The following ADAMTSL1 variants were observed in gnomAD, a reference collection of about 807,000 sequenced individuals.
ADAMTSL1 encodes ADAMTS-like protein 1.
Under a neutral mutation model 201.8 loss-of-function variants are expected in ADAMTSL1, and 126 were observed. The ratio of observed to expected loss-of-function variants is 0.62; its 90% CI spans 0.54 to 0.72. ADAMTSL1 has a LOEUF of 0.72. Ranked by LOEUF, ADAMTSL1 falls within the 30% of genes least tolerant of loss-of-function variation. ADAMTSL1 has a pLI of 0.00. For synonymous variants in ADAMTSL1, 1,121 were observed against 903.4 expected, an observed-to-expected ratio of 1.24 and a Z score of -4.32; for missense variants, 2,679 against 2,277.8, an observed-to-expected ratio of 1.18 and a Z score of -3.59.
intron 1 of ADAMTSL1, among the ~76,000 whole-genome samples, chr9:17,974,040 C>T (rs371471774): frequency 1.3e-5 from 2 of 151,976 alleles, no homozygotes; most frequent in Admixed American, 6.6e-5. Context: ...CGACAAAATT[C>T]AACAACCCTT....
chr9:18,488,869 T>G (rs1320416160), intron 1 of ADAMTSL1, among the ~76,000 whole-genome samples: 1 of 152,216 alleles, frequency 6.6e-6, no homozygotes, highest in African/African-American at 2.4e-5. Context: ...AAACTAAGAT[T>G]GCTTTTGAAT....
At chr9:18,047,362 G>T (rs979456397) in intron 1 of ADAMTSL1, among the ~76,000 whole-genome samples, 1 of 152,132 alleles carries the variant, frequency 6.6e-6, no homozygotes, top group African/African-American at 2.4e-5. Context: ...GTGGGGAGAT[G>T]TTGTTGGCAT....
chr9:18,464,782 T>G (rs1184241215), intron 2 of ADAMTSL1, among the ~76,000 whole-genome samples: 6 of 152,124 alleles, frequency 3.9e-5, no homozygotes, highest in African/African-American at 1.4e-4. Flanking sequence ...AGCGTAAAAT[T>G]GCAGTGCAAA....
chr9:18,217,030 G>A (rs1830080310), intron 2 of ADAMTSL1, among the ~76,000 whole-genome samples: 1 of 152,068 alleles, frequency 6.6e-6, no homozygotes, highest in Non-Finnish European at 1.5e-5. Context: ...GAGGGGTCAA[G>A]TAGAGAATAA....
chr9:18,504,498 G>A (rs1294506101), intron 1 of ADAMTSL1, among the ~76,000 whole-genome samples: 2 of 152,182 alleles, frequency 1.3e-5, no homozygotes, highest in Non-Finnish European at 2.9e-5. Context: ...GAGATGAAGA[G>A]TACACTCATG....
At chr9:18,695,755 T>G (rs1831512296) in intron 13 of ADAMTSL1, among the ~76,000 whole-genome samples, 1 of 152,228 alleles carries the variant, frequency 6.6e-6, no homozygotes, top group South Asian at 2.1e-4. Flanking sequence ...GTTACCCAGT[T>G]CCAAAGTCAT....
intron 2 of ADAMTSL1, among the ~76,000 whole-genome samples, chr9:18,326,802 G>A (rs2132883157): frequency 6.6e-6 from 1 of 152,276 alleles, no homozygotes; most frequent in Middle Eastern, 3.4e-3. Flanking sequence ...TTCTCAGAAT[G>A]CATTTTTCCT....
chr9:18,060,470 G>A (rs983374829), intron 1 of ADAMTSL1, among the ~76,000 whole-genome samples: 3 of 152,152 alleles, frequency 2.0e-5, no homozygotes, highest in Admixed American at 6.6e-5. Context: ...GAGTCTGTAT[G>A]ATTATCCTTC....
intron 2 of ADAMTSL1, among the ~76,000 whole-genome samples, chr9:18,360,194 G>T (rs1836455695): frequency 4.6e-5 from 7 of 152,092 alleles, no homozygotes; most frequent in Admixed American, 4.6e-4. Context: ...CCAAGCAGCT[G>T]CCTCTGTCTC....
chr9:18,207,709 T>C (rs1378239707), intron 2 of ADAMTSL1, among the ~76,000 whole-genome samples: 4 of 152,192 alleles, frequency 2.6e-5, no homozygotes, highest in Non-Finnish European at 5.9e-5. Flanking sequence ...CATCTCTACT[T>C]TCTATTTTCT....
rs1253259037 is a variant in ADAMTSL1 at position 18,104,406 on chromosome 9, G to A, written c.88-59456G>A. Among the ~76,000 whole-genome samples, 7 of 152,134 alleles carry A rather than the reference G, an allele frequency of 4.6e-5. 1 individual carries two copies. The highest frequency in any genetic ancestry group is 1.3e-4 in the Admixed American group (2 of 15,276). Reference sequence around the variant, plus strand: ...CTTGGACTTGATTATACAGTGCTTAGTACTAAAGGGACTGGAGCCTCCATA... The same window carrying A: ...CTTGGACTTGATTATACAGTGCTTAATACTAAAGGGACTGGAGCCTCCATA... On this transcript the variant is annotated intron_variant, in intron 1 of 29. Coordinates refer to the ADAMTSL1 transcript ENST00000680146.
At chr9:18,003,418 G>A (rs1222438529) in intron 1 of ADAMTSL1, among the ~76,000 whole-genome samples, 3 of 152,042 alleles carry the variant, frequency 2.0e-5, no homozygotes, top group Non-Finnish European at 4.4e-5. Context: ...CTGTGAATGT[G>A]GTGAAAGGAA....
At chr9:17,933,817 C>T (rs145282844) in intron 1 of ADAMTSL1, among the ~76,000 whole-genome samples, 5 of 152,094 alleles carry the variant, frequency 3.3e-5, no homozygotes, top group Non-Finnish European at 7.4e-5. Flanking sequence ...ATGATCCAGT[C>T]GCCTCCCACC....
chr9:18,406,972 A>C (rs910253445), intron 2 of ADAMTSL1, among the ~76,000 whole-genome samples: 1 of 152,250 alleles, frequency 6.6e-6, no homozygotes, highest in African/African-American at 2.4e-5. Context: ...GTTTATAACA[A>C]TAAAAGATTT....
At chr9:18,657,614 T>G (rs1484133230) in intron 7 of ADAMTSL1, 25 bp from the exon 8 acceptor site, 2 of 1,573,256 alleles carry the variant, frequency 1.3e-6, no homozygotes, top group Admixed American at 1.7e-5. Context: ...TCACATTACT[T>G]CTACTTTCCT....
chr9:18,328,819 C>G (rs1424147324), intron 2 of ADAMTSL1, among the ~76,000 whole-genome samples: 1 of 152,114 alleles, frequency 6.6e-6, no homozygotes, highest in Non-Finnish European at 1.5e-5. Context: ...GTCACTGACC[C>G]TGGAGGATAC....
chr9:18,875,918 G>A (rs1828117022), intron 23 of ADAMTSL1, among the ~76,000 whole-genome samples: 1 of 151,922 alleles, frequency 6.6e-6, no homozygotes. Flanking sequence ...TTATAAGTTT[G>A]GGAGCTCCAG....
At chr9:17,964,909 C>T (rs181086645) in intron 1 of ADAMTSL1, among the ~76,000 whole-genome samples, 3 of 152,096 alleles carry the variant, frequency 2.0e-5, no homozygotes, top group Admixed American at 1.3e-4. Flanking sequence ...CTTGCTCTGT[C>T]GCCCAGGCTA....
intron 2 of ADAMTSL1, among the ~76,000 whole-genome samples, chr9:18,173,587 A>T (rs1828001941): frequency 6.6e-6 from 1 of 152,086 alleles, no homozygotes; most frequent in South Asian, 2.1e-4. Context: ...TGCATTTGCT[A>T]GGATTCTGCC....
Sources: gnomAD v4.1 joint callset for allele counts (sites outside exome capture counted in the v4.1 genomes callset) on GRCh38, gnomAD v4.1.1 for gene constraint, MANE v1.5 for transcripts, NCBI Gene and HGNC (gene_info 2026-07-23, HGNC 2026-07-21) for gene names.